FGGY: variants seen among roughly 807,000 people sequenced by gnomAD.
FGGY encodes the protein FGGY carbohydrate kinase domain containing.
In FGGY, 72 loss-of-function variants were observed where a neutral mutation model predicts 71.3. The ratio of observed to expected loss-of-function variants is 1.01; its 90% CI spans 0.84 to 1.23. The LOEUF (loss-of-function observed/expected upper bound fraction) is 1.23. Among genes scored for constraint, FGGY ranks in the 50% most tolerant of loss-of-function variants. The pLI is 0.00. For missense variants in FGGY, 668 were observed against 682.3 expected, an observed-to-expected ratio of 0.98 and a Z score of 0.23; for synonymous variants, 251 against 250.3, an observed-to-expected ratio of 1.00 and a Z score of -0.02.
intron 5 of FGGY, among the ~76,000 whole-genome samples, chr1:59,415,092 G>A (rs1210603211): frequency 1.3e-5 from 2 of 152,160 alleles, no homozygotes; most frequent in East Asian, 1.9e-4. Context: ...TGCCCCACTC[G>A]CTAACGGAGT....
chr1:59,309,432 C>T lies in FGGY; in HGVS notation c.-14-12104C>T, dbSNP rs535895052. Among the ~76,000 whole-genome samples the T allele has an allele frequency of 2.7e-4, 41 of 152,126 alleles. No homozygotes were observed. In the South Asian group the frequency reaches 7.3e-3, roughly 27 times the overall value. Reference sequence around the variant, plus strand: ...CTAGTAGTTTTGTAGCATTGAAGTACGAAGGTTGAGGTTAGGGAGAGAGGC... The same window carrying T: ...CTAGTAGTTTTGTAGCATTGAAGTATGAAGGTTGAGGTTAGGGAGAGAGGC... On this transcript the variant is annotated intron_variant, in intron 1 of 15. Coordinates refer to ENST00000303721, the MANE Select transcript of FGGY (RefSeq NM_018291.5).
intron 6 of FGGY, among the ~76,000 whole-genome samples, chr1:59,475,260 TGA>T (rs1289354795): frequency 2.0e-5 from 3 of 152,204 alleles, no homozygotes; most frequent in Non-Finnish European, 4.4e-5. Context: ...AAACCTTCCT[TGA>T]GAGGCATCTT....
intron 14 of FGGY, among the ~76,000 whole-genome samples, chr1:59,693,852 C>T (rs546431457): frequency 6.6e-6 from 1 of 151,838 alleles, no homozygotes; most frequent in South Asian, 2.1e-4. Context: ...ACAAAAAATA[C>T]AAAAATTAGC....
chr1:59,504,637 G>C (rs1216782073), intron 6 of FGGY, among the ~76,000 whole-genome samples: 1 of 152,182 alleles, frequency 6.6e-6, no homozygotes, highest in African/African-American at 2.4e-5. Context: ...CATGATTTCA[G>C]AGTTTTTCCC....
intron 6 of FGGY, among the ~76,000 whole-genome samples, chr1:59,470,963 A>G (rs1180907489): frequency 2.0e-5 from 3 of 152,212 alleles, no homozygotes. Flanking sequence ...ATTTATATTG[A>G]GAGCTCTGGA....
At chr1:59,355,045 C>T (rs868653002) in intron 4 of FGGY, among the ~76,000 whole-genome samples, 1 of 152,204 alleles carries the variant, frequency 6.6e-6, no homozygotes, top group South Asian at 2.1e-4. Context: ...CTGCTGCATG[C>T]AGCCTTGAGG....
intron 4 of FGGY, among the ~76,000 whole-genome samples, chr1:59,348,785 T>C (rs977649364): frequency 2.0e-5 from 3 of 152,116 alleles, no homozygotes; most frequent in Non-Finnish European, 4.4e-5. Context: ...ATTGAGCTGT[T>C]TTGTAAGTTT....
chr1:59,420,544 A>G (rs1216537820), intron 5 of FGGY, among the ~76,000 whole-genome samples: 2 of 152,174 alleles, frequency 1.3e-5, no homozygotes, highest in Non-Finnish European at 2.9e-5. Flanking sequence ...AACCTCATCC[A>G]TTTTGTGAGT....
At chr1:59,532,857 A>G (rs1019344161) in intron 7 of FGGY, among the ~76,000 whole-genome samples, 1 of 152,226 alleles carries the variant, frequency 6.6e-6, no homozygotes, top group African/African-American at 2.4e-5. Flanking sequence ...TTATACACAT[A>G]TAGAATGTCA....
chr1:59,386,670 T>C (rs1450888141), intron 5 of FGGY, among the ~76,000 whole-genome samples: 4 of 152,116 alleles, frequency 2.6e-5, no homozygotes, highest in Non-Finnish European at 5.9e-5. Flanking sequence ...TGAATTATTC[T>C]TTATGGGAGA....
intron 5 of FGGY, among the ~76,000 whole-genome samples, chr1:59,449,480 T>TAGTAGA (rs1173080342): frequency 3.3e-5 from 5 of 152,128 alleles, no homozygotes; most frequent in Non-Finnish European, 5.9e-5. Flanking sequence ...AGATGGGGTT[T>TAGTAGA]CACCATGTTG....
At chr1:59,627,646 G>A (rs922433989) in intron 10 of FGGY, among the ~76,000 whole-genome samples, 1 of 151,686 alleles carries the variant, frequency 6.6e-6, no homozygotes, top group African/African-American at 2.4e-5. Context: ...CTAGCTCACA[G>A]GTACTGTATT....
chr1:59,516,101 T>C (rs998738146), intron 7 of FGGY, among the ~76,000 whole-genome samples: 7 of 133,150 alleles, frequency 5.3e-5, no homozygotes, highest in Non-Finnish European at 1.1e-4. Flanking sequence ...TCTTATGCCT[T>C]CTTATGCCTC....
chr1:59,747,938 G>A (rs1427998925), intron 14 of FGGY, among the ~76,000 whole-genome samples: 1 of 152,190 alleles, frequency 6.6e-6, no homozygotes, highest in East Asian at 1.9e-4. Flanking sequence ...GCTAAAGCAA[G>A]TTTCAAATCC....
intron 7 of FGGY, among the ~76,000 whole-genome samples, chr1:59,513,806 A>C (rs76126598): frequency 0.051 from 7,761 of 152,280 alleles, 247 homozygotes; most frequent in East Asian, 0.13. Context: ...AGTAGAGTGA[A>C]GATTAATCTG....
At chr1:59,509,661 C>T (rs2094473369) in intron 6 of FGGY, among the ~76,000 whole-genome samples, 1 of 152,166 alleles carries the variant, frequency 6.6e-6, no homozygotes, top group Non-Finnish European at 1.5e-5. Flanking sequence ...AAGACGCATC[C>T]TCTGCTGATG....
intron 14 of FGGY, among the ~76,000 whole-genome samples, chr1:59,722,032 G>A (rs955771963): frequency 2.6e-5 from 4 of 152,132 alleles, no homozygotes; most frequent in African/African-American, 9.7e-5. Flanking sequence ...TTCTATTCTA[G>A]CATCCCTTCC....
chr1:59,691,641 C>CTTT (rs774899362), intron 14 of FGGY, among the ~76,000 whole-genome samples: 2 of 131,966 alleles, frequency 1.5e-5, no homozygotes, highest in Admixed American at 7.6e-5. Flanking sequence ...TTTTTCTTTT[C>CTTT]TTTTTTTTTT....
At chr1:59,708,002 G>T (rs1196355446) in intron 14 of FGGY, among the ~76,000 whole-genome samples, 1 of 152,202 alleles carries the variant, frequency 6.6e-6, no homozygotes, top group African/African-American at 2.4e-5. Context: ...GCATTTAAAA[G>T]AAGGGGACAT....
Sources: allele counts gnomAD v4.1 joint callset (sites outside exome capture counted in the v4.1 genomes callset), GRCh38; gene constraint gnomAD v4.1.1; transcripts MANE v1.5; gene names NCBI Gene and HGNC (gene_info 2026-07-23, HGNC 2026-07-21).